The following CLXN variants were observed in gnomAD, a reference collection of about 807,000 sequenced individuals.
CLXN encodes the protein calaxin.
chr8:48,731,606 A>C, the CLXN span: 1 of 918,988 alleles, frequency 1.1e-6, no homozygotes, highest in Admixed American at 3.2e-5. Context: ...AAGACATCAA[A>C]TAGGTAATTG....
the CLXN span, chr8:48,724,089 G>T: frequency 1.3e-5 from 2 of 152,170 alleles, no homozygotes; most frequent in Non-Finnish European, 2.9e-5. Context: ...ACAGCCCATT[G>T]TATGCAGAGG....
chr8:48,713,313 C>G, the CLXN span, among the ~76,000 whole-genome samples: 2 of 152,090 alleles, frequency 1.3e-5, no homozygotes, highest in African/African-American at 4.8e-5. Flanking sequence ...TGTAGTCGCT[C>G]TATGTCTAAT....
At chr8:48,713,932 G>A in the CLXN span, 2 of 152,298 alleles carry the variant, frequency 1.3e-5, no homozygotes, top group East Asian at 1.9e-4. Flanking sequence ...GCGAGGTGAT[G>A]TCTACCTCTC....
At chr8:48,734,349 T>G in the CLXN span, among the ~76,000 whole-genome samples, 1 of 152,226 alleles carries the variant, frequency 6.6e-6, no homozygotes, top group Non-Finnish European at 1.5e-5. Context: ...AAAGTGCAAT[T>G]ATGTTTTTCA....
chr8:48,724,919 A>C, the CLXN span: 1 of 703,276 alleles, frequency 1.4e-6, no homozygotes, highest in African/African-American at 1.8e-5. Context: ...GGGCATCGAG[A>C]ACTTCTGGTG....
the CLXN span, chr8:48,731,221 T>G: frequency 1.1e-6 from 1 of 922,702 alleles, no homozygotes; most frequent in Admixed American, 3.8e-5. Context: ...AAATTAAATT[T>G]GTATATTCCA....
At chr8:48,720,392 G>A in the CLXN span, among the ~76,000 whole-genome samples, 2 of 152,130 alleles carry the variant, frequency 1.3e-5, no homozygotes, top group Non-Finnish European at 1.5e-5. Flanking sequence ...TCCTGGGGAA[G>A]GAATGCATTC....
chr8:48,726,153 TC>T, the CLXN span, among the ~76,000 whole-genome samples: 26 of 57,968 alleles, frequency 4.5e-4, no homozygotes, highest in Non-Finnish European at 2.2e-4. Flanking sequence ...CATCCATCCA[TC>T]CACCCACCCA....
the CLXN span, among the ~76,000 whole-genome samples, chr8:48,721,562 G>T: frequency 6.6e-6 from 1 of 152,144 alleles, no homozygotes; most frequent in Admixed American, 6.6e-5. Context: ...AAAATACAGT[G>T]CTTTAGTAAT....
the CLXN span, chr8:48,724,762 T>G: frequency 6.2e-7 from 1 of 1,612,156 alleles, no homozygotes; most frequent in Non-Finnish European, 8.5e-7. Context: ...TTGAATTCAT[T>G]TGGATCTTTG....
At chr8:48,733,120 C>A in the CLXN span, among the ~76,000 whole-genome samples, 1 of 151,320 alleles carries the variant, frequency 6.6e-6, no homozygotes, top group South Asian at 2.1e-4. Flanking sequence ...TAACCACATA[C>A]ACACACACAC....
At chr8:48,731,362 A>G in the CLXN span, 2 of 1,611,724 alleles carry the variant, frequency 1.2e-6, no homozygotes, top group Non-Finnish European at 8.5e-7. Flanking sequence ...GTCCATAATC[A>G]TGTCATCTGT....
chr8:48,711,061 T>C, the CLXN span: 1 of 152,216 alleles, frequency 6.6e-6, no homozygotes, highest in Admixed American at 6.5e-5. Context: ...CAGTCAGGGC[T>C]AGAACATGGG....
At chr8:48,729,698 A>T in the CLXN span, 1 of 1,572,552 alleles carries the variant, frequency 6.4e-7, no homozygotes, top group Non-Finnish European at 8.6e-7. Context: ...TTAATAAAAA[A>T]CTTGACATTA....
chr8:48,722,345 C>T, the CLXN span, among the ~76,000 whole-genome samples: 1 of 152,100 alleles, frequency 6.6e-6, no homozygotes, highest in Non-Finnish European at 1.5e-5. Flanking sequence ...CAAATTGGTA[C>T]AGCTAGTATA....
the CLXN span, among the ~76,000 whole-genome samples, chr8:48,722,073 C>A: frequency 6.6e-6 from 1 of 152,130 alleles, no homozygotes; most frequent in Non-Finnish European, 1.5e-5. Flanking sequence ...GGAATACCTA[C>A]AACTCAATAG....
chr8:48,712,727 G>C, the CLXN span, among the ~76,000 whole-genome samples: 1 of 152,102 alleles, frequency 6.6e-6, no homozygotes, highest in Non-Finnish European at 1.5e-5. Context: ...TTGGCCGGGC[G>C]TGGTGGCTCA....
the CLXN span, chr8:48,715,057 C>T: frequency 1.3e-5 from 2 of 152,068 alleles, no homozygotes; most frequent in Non-Finnish European, 2.9e-5. Context: ...AGTGCATTTT[C>T]AATATGATCA....
chr8:48,729,649 T>G, the CLXN span: 22 of 1,371,472 alleles, frequency 1.6e-5, no homozygotes, highest in Middle Eastern at 4.9e-4. Flanking sequence ...TTATAATAAT[T>G]TGAATTCTTA....
Sources: allele counts gnomAD v4.1 joint callset (sites outside exome capture counted in the v4.1 genomes callset), GRCh38; gene constraint gnomAD v4.1.1; transcripts MANE v1.5; gene names NCBI Gene and HGNC (gene_info 2026-07-23, HGNC 2026-07-21).